The following KIF7 variants were observed in gnomAD, a reference collection of about 807,000 sequenced individuals.
KIF7 encodes kinesin-like protein KIF7.
Under a neutral mutation model 135.7 loss-of-function variants are expected in KIF7, and 104 were observed. The ratio of observed to expected loss-of-function variants is 0.77; its 90% CI spans 0.65 to 0.90. The LOEUF (loss-of-function observed/expected upper bound fraction) is 0.90, where lower values mean the gene tolerates loss of function less well. Ranked by LOEUF, KIF7 falls within the 40% of genes least tolerant of loss-of-function variation. The pLI is 0.00. For missense variants in KIF7, 2,005 were observed against 1,839.1 expected, an observed-to-expected ratio of 1.09 and a Z score of -1.65; for synonymous variants, 883 against 809.4, an observed-to-expected ratio of 1.09 and a Z score of -1.54.
chr15:89,627,187 G>C (rs1300852908), downstream of KIF7: 7 of 1,450,188 alleles, frequency 4.8e-6, no homozygotes, highest in Non-Finnish European at 6.6e-6. Context: ...GCCATGGTCA[G>C]TGTTCAGATT....
chr15:89,634,070 G>A (rs570384152), intron 11 of KIF7, among the ~76,000 whole-genome samples, 187 bp from the exon 12 acceptor site: 14 of 152,286 alleles, frequency 9.2e-5, no homozygotes, highest in East Asian at 7.7e-4. Flanking sequence ...AGGCTGAGGC[G>A]GGCGGATTAC....
rs541021614 is a variant in KIF7 at position 89,650,454 on chromosome 15, C to T, written c.329-513G>A. Among the ~76,000 whole-genome samples the T allele has an allele frequency of 2.2e-4, 34 of 152,242 alleles. 1 individual carries two copies. In the South Asian group the frequency reaches 5.6e-3, roughly 25 times the overall value. ...CGTTGCCCAAGCTGGAGGGCAGTGG[C>T]GTGATCTCGGCTCATTGCAACCTCC... On this transcript the variant is annotated intron_variant, in intron 2 of 18. Coordinates refer to ENST00000394412, the MANE Select transcript of KIF7 (RefSeq NM_198525.3).
At chr15:89,657,910 AG>A (rs1422849251), upstream of KIF7, among the ~76,000 whole-genome samples, 1 of 152,258 alleles carries the variant, frequency 6.6e-6, no homozygotes, top group Non-Finnish European at 1.5e-5. Flanking sequence ...GACTTGCCCA[AG>A]AAGATGTGAA....
rs1390755617 is a variant in KIF7 at position 89,640,952 on chromosome 15, G to C, written c.2394+1251C>G. 2.0e-5 allele frequency among the ~76,000 whole-genome samples: 3 copies of C among 151,990 alleles called. 1 individual carries two copies. The highest frequency in any genetic ancestry group is 1.9e-4 in the East Asian group (1 of 5,174). On this transcript the variant is annotated intron_variant, in intron 11 of 18. Transcript: ENST00000394412. ...CAGGAGGCGGAGGTTGCAGTAAGCT[G>C]AGATTGCACCACAGCACTCCAGCCT...
chr15:89,625,545 G>A, downstream of KIF7: 2 of 1,613,326 alleles, frequency 1.2e-6, no homozygotes, highest in Non-Finnish European at 1.7e-6. Flanking sequence ...GAGTGTGCCA[G>A]CTCCCAGACC....
At chr15:89,618,218 T>G (rs757200911) in intron 1 of KIF7, 45 of 1,613,376 alleles carry the variant, frequency 2.8e-5, no homozygotes, top group Non-Finnish European at 3.8e-5. Flanking sequence ...ATGGTGAGTG[T>G]TATCTCTTTT....
At chr15:89,652,495 C>G in intron 2 of KIF7, 108 bp downstream of exon 2, 1 of 880,264 alleles carries the variant, frequency 1.1e-6, no homozygotes, top group South Asian at 1.9e-5. Context: ...CTTCCTCCCC[C>G]AGCATCCCCA....
intron 1 of KIF7, chr15:89,621,527 T>A (rs369746780): frequency 1.2e-6 from 2 of 1,613,376 alleles, no homozygotes; most frequent in Non-Finnish European, 1.7e-6. Context: ...CACTTTGGAT[T>A]CGGAGGTACC....
Position 89,645,049 on chromosome 15 carries a change from T to C in KIF7, c.2155A>G (p.Met719Val), listed in dbSNP as rs746859616. ...AGCTCGCCAATAAGCTCCTCCTTCA[T>C]GCGGATGTTGATAGCCAGCTCCCGG... Reference protein sequence around the residue: ...KIRELAINIRMKEELIGELVR... With the variant: ...KIRELAINIRVKEELIGELVR... The change falls in exon 10 of 19, where the codon ATG (methionine) becomes GTG (valine). Residue 719 changes from methionine (M) to valine (V), a missense_variant. Physicochemically the swap from Met to Val is conservative, Grantham distance 21. Coordinates refer to ENST00000394412, the MANE Select transcript of KIF7 (RefSeq NM_198525.3). 8 of 1,607,432 alleles carry C rather than the reference T, an allele frequency of 5.0e-6. No individual in the cohort carries two copies. Among genetic ancestry groups the C allele is most frequent in the South Asian group, 1.1e-5 (1 of 91,084 alleles).
chr15:89,629,979 A>C (rs559662267), intron 16 of KIF7: 1 of 525,448 alleles, frequency 1.9e-6, no homozygotes, highest in Admixed American at 3.2e-5. Flanking sequence ...GTGACAACCA[A>C]AAGTATCTCC....
rs529209853 is a variant in KIF7, at chr15:89,642,242, C to T, written c.2355G>A (p.Glu785=). The change falls in exon 11 of 19, where the codon GAG becomes GAA. Residue 785 remains glutamate (E), a synonymous_variant. Transcript: ENST00000394412. ...GGGCCGCAGCGACCCTCCTGCGGAA[C>T]TCCTGGAGCCGAGACCGCTCGCCAG... ...QDAGERSRLQ[E]FRRRVAAAQS... is the part of the protein sequence containing the mutation. 6.2e-7 allele frequency: 1 copy of T among 1,610,552 alleles called. No individual in the cohort carries two copies. Among genetic ancestry groups the T allele is most frequent in the Non-Finnish European group, 8.5e-7 (1 of 1,179,730 alleles).
chr15:89,645,067 G>T lies in KIF7; in HGVS notation c.2137C>A (p.Leu713Met), dbSNP rs762264287. The T allele has an allele frequency of 6.2e-7, 1 of 1,606,162 alleles. No homozygotes were observed. Residue 713 changes from leucine (L) to methionine (M), a missense_variant, in exon 10 of 19, where the codon CTG becomes ATG. Coordinates refer to ENST00000394412, the MANE Select transcript of KIF7 (RefSeq NM_198525.3). ...TCCTTCATGCGGATGTTGATAGCCA[G>T]CTCCCGGATCTTCTGCTGGGCCTGG... is the stretch of plus-strand genomic sequence containing the variant. ...LAQAQQKIRE[L>M]AINIRMKEEL...
Position 89,621,208 on chromosome 15 carries a change from A to G in KIF7, c.181-3013T>C, listed in dbSNP as rs552758554. ...CTAATTTTTTGTATTTTCAGTAGAG[A>G]TGGTGTTTCGCTATGTTGGCCAGGC... On this transcript the variant is annotated intron_variant and NMD_transcript_variant, in intron 1 of 2. Coordinates refer to the KIF7 transcript ENST00000558928. Among the ~76,000 whole-genome samples, 3 of 151,626 alleles carry G rather than the reference A, an allele frequency of 2.0e-5. No individual in the cohort carries two copies. The East Asian group carries it at 5.8e-4, about 29-fold the overall frequency.
At chr15:89,630,004 G>A (rs1188152667) in intron 16 of KIF7, 1 of 546,292 alleles carries the variant, frequency 1.8e-6, no homozygotes, top group Non-Finnish European at 3.3e-6. Context: ...ATGGCCAAAT[G>A]TCACAAAAGG....
chr15:89,647,815 C>T, intron 5 of KIF7, 103 bp from the exon 6 acceptor site: 3 of 948,548 alleles, frequency 3.2e-6, no homozygotes, highest in South Asian at 1.6e-5. Flanking sequence ...TCTTCCAAGC[C>T]CTACCTGCAG....
chr15:89,629,599 G>A, intron 16 of KIF7, 26 bp from the exon 17 acceptor site: 1 of 1,601,978 alleles, frequency 6.2e-7, no homozygotes, highest in Non-Finnish European at 8.5e-7. Flanking sequence ...GCCAGGCTCA[G>A]CCCTCATCAT....
intron 1 of KIF7, among the ~76,000 whole-genome samples, chr15:89,653,650 T>G (rs1182982482): frequency 6.6e-6 from 1 of 152,208 alleles, no homozygotes; most frequent in Non-Finnish European, 1.5e-5. Context: ...TGATCACTGC[T>G]TACTGTAGCC....
chr15:89,661,590 C>T, the KIF7 span, among the ~76,000 whole-genome samples: 1 of 152,084 alleles, frequency 6.6e-6, no homozygotes, highest in African/African-American at 2.4e-5. Flanking sequence ...AGTCTTGGTC[C>T]CCTCTCTGCG....
At chr15:89,626,066 T>C (rs1243381582), downstream of KIF7, 6 of 1,613,368 alleles carry the variant, frequency 3.7e-6, no homozygotes, top group Non-Finnish European at 4.2e-6. Context: ...CCAGAGGTAA[T>C]GTTTGTTGAA....
Sources: allele counts gnomAD v4.1 joint callset (sites outside exome capture counted in the v4.1 genomes callset), GRCh38; gene constraint gnomAD v4.1.1; transcripts MANE v1.5; gene names NCBI Gene and HGNC (gene_info 2026-07-23, HGNC 2026-07-21).